The following LIN7A variants were observed in gnomAD, a reference collection of about 807,000 sequenced individuals.
LIN7A encodes the protein protein lin-7 homolog A.
LIN7A carries 25 observed loss-of-function variants against 29.8 expected under a neutral mutation model. That is an observed-to-expected ratio of 0.84 (90% CI 0.61 to 1.17). LIN7A has a LOEUF of 1.17. Among genes scored for constraint, LIN7A ranks in the 50% most tolerant of loss-of-function variants. The probability of loss-of-function intolerance (pLI) is 0.00; values close to 1 mark genes in which losing one functional copy is unlikely to be tolerated. For synonymous variants in LIN7A, 118 were observed against 107.5 expected, an observed-to-expected ratio of 1.10 and a Z score of -0.60; for missense variants, 239 against 287.0, an observed-to-expected ratio of 0.83 and a Z score of 1.21.
At chr12:80,845,101 G>A (rs1436458197) in intron 4 of LIN7A, among the ~76,000 whole-genome samples, 2 of 152,066 alleles carry the variant, frequency 1.3e-5, no homozygotes, top group African/African-American at 4.8e-5. Flanking sequence ...ACCGGGCTTG[G>A]TGGCGGGCGC....
chr12:80,927,923 G>A (rs1192635653), intron 1 of LIN7A, among the ~76,000 whole-genome samples: 2 of 151,936 alleles, frequency 1.3e-5, no homozygotes, highest in Admixed American at 6.6e-5. Flanking sequence ...TGTTCTCATT[G>A]TTCAATTCCC....
intron 1 of LIN7A, among the ~76,000 whole-genome samples, chr12:80,918,284 C>T (rs1054048206): frequency 6.6e-6 from 1 of 151,822 alleles, no homozygotes; most frequent in Non-Finnish European, 1.5e-5. Context: ...TGAGCTCAAG[C>T]GATCCTACCC....
chr12:80,877,995 G>A (rs917346145), intron 2 of LIN7A, among the ~76,000 whole-genome samples: 1 of 152,108 alleles, frequency 6.6e-6, no homozygotes, highest in African/African-American at 2.4e-5. Context: ...CTTCTCCAAG[G>A]ACTCTATTAT....
intron 4 of LIN7A, among the ~76,000 whole-genome samples, chr12:80,843,704 T>C (rs965330843): frequency 1.3e-5 from 2 of 152,090 alleles, no homozygotes; most frequent in African/African-American, 4.8e-5. Context: ...TCAGAGCCCT[T>C]CAAATTAGTT....
At chr12:80,910,611 C>T (rs1001051920) in intron 1 of LIN7A, among the ~76,000 whole-genome samples, 2 of 152,072 alleles carry the variant, frequency 1.3e-5, no homozygotes, top group Admixed American at 1.3e-4. Context: ...TATTCAAATG[C>T]TTTTTCTACA....
intron 2 of LIN7A, among the ~76,000 whole-genome samples, chr12:80,878,563 T>G (rs757483721): frequency 1.3e-5 from 2 of 152,180 alleles, no homozygotes; most frequent in African/African-American, 2.4e-5. Context: ...CAGCAAGATT[T>G]ATTCTGAAGA....
rs117435109 is a variant in LIN7A at position 80,865,840 on chromosome 12, T to C, written c.202-17518A>G. ...ATGTTTCTTCTGTAAATTGGGTGAG[T>C]CAAAGAATTGTTACCAGGATTCACA... On this transcript the variant is annotated intron_variant, in intron 2 of 5. Transcript: ENST00000552864. 9.3e-3 allele frequency among the ~76,000 whole-genome samples: 1,414 copies of C among 152,292 alleles called. 15 individuals carry two copies. The highest frequency in any genetic ancestry group is 0.012 in the Admixed American group (181 of 15,298).
chr12:80,868,113 C>G (rs772786673), intron 2 of LIN7A, among the ~76,000 whole-genome samples: 97 of 152,180 alleles, frequency 6.4e-4, no homozygotes, highest in Non-Finnish European at 6.9e-4. Flanking sequence ...ACCTTGGTAG[C>G]ACTTCTTTTA....
intron 1 of LIN7A, among the ~76,000 whole-genome samples, chr12:80,893,153 C>A (rs1252808373): frequency 6.6e-6 from 1 of 152,026 alleles, no homozygotes; most frequent in Admixed American, 6.6e-5. Context: ...ATTCCAGAAA[C>A]CCTTGTACTC....
intron 2 of LIN7A, among the ~76,000 whole-genome samples, chr12:80,850,534 G>A (rs151118524): frequency 6.6e-6 from 1 of 152,090 alleles, no homozygotes; most frequent in Non-Finnish European, 1.5e-5. Flanking sequence ...GGACAATGTT[G>A]CCCTTCAGGA....
chr12:80,897,204 T>G (rs555939678), intron 1 of LIN7A, among the ~76,000 whole-genome samples: 1 of 152,288 alleles, frequency 6.6e-6, no homozygotes, highest in East Asian at 1.9e-4. Context: ...AGCTTTCATT[T>G]TTTTCTCCTT....
chr12:80,906,832 A>C (rs566500309), intron 1 of LIN7A, among the ~76,000 whole-genome samples: 1 of 152,296 alleles, frequency 6.6e-6, no homozygotes, highest in African/African-American at 2.4e-5. Flanking sequence ...GAAAATCGGA[A>C]AAAAACAAAG....
chr12:80,863,300 ATAAT>A (rs367812765), intron 2 of LIN7A, among the ~76,000 whole-genome samples: 8 of 152,336 alleles, frequency 5.3e-5, no homozygotes, highest in African/African-American at 1.9e-4. Context: ...ATTAAACTAG[ATAAT>A]TGATATAGAG....
chr12:80,897,128 G>A (rs1319746267), intron 1 of LIN7A, among the ~76,000 whole-genome samples: 1 of 150,998 alleles, frequency 6.6e-6, no homozygotes. Context: ...AGCTAAAACT[G>A]AAGTTTGATT....
At chr12:80,845,253 AAAAAT>A (rs1237118412) in intron 4 of LIN7A, among the ~76,000 whole-genome samples, 3 of 146,906 alleles carry the variant, frequency 2.0e-5, no homozygotes, top group African/African-American at 2.6e-5. Flanking sequence ...AAAAAAAAAA[AAAAAT>A]TTTGAGTGCA....
chr12:80,918,217 T>A (rs1246962798), intron 1 of LIN7A, among the ~76,000 whole-genome samples: 4 of 131,704 alleles, frequency 3.0e-5, no homozygotes, highest in Non-Finnish European at 6.8e-5. Flanking sequence ...CTGGCTGATA[T>A]TTTTTTTTAT....
intron 5 of LIN7A, among the ~76,000 whole-genome samples, chr12:80,807,068 T>TTTTTGTTTTTTTTTTTTTTTTTTG (rs1555221338): frequency 2.4e-5 from 2 of 84,992 alleles, no homozygotes; most frequent in East Asian, 3.4e-4. Context: ...ATGGAGTTTT[T>TTTTTGTTTTTTTTTTTTTTTTTTG]TTTTTTTTTT....
rs17718299 is a variant in LIN7A, at chr12:80,794,219, C to T, written c.*3508G>A. 2,381 of 152,160 alleles carry T rather than the reference C, an allele frequency of 0.016. 26 individuals carry two copies. Among genetic ancestry groups the T allele is most frequent in the Non-Finnish European group, 0.026 (1,748 of 67,968 alleles). The allele number at this position is 152,160 out of a possible 1,614,324, so 9.4% of individuals were successfully genotyped here. A position where few individuals can be genotyped will look rare whatever the true frequency, so the allele number is the denominator to read the frequency against. ...AGCCACTTATTCATCCAACAAATAC[C>T]GAGTGCCTACATTGTGCCAGGCAGT... is the stretch of plus-strand genomic sequence containing the variant. On this transcript the variant is annotated 3_prime_UTR_variant, in exon 6 of 6. Transcript: ENST00000552864.
At chr12:80,915,152 CA>C (rs3073421) in intron 1 of LIN7A, among the ~76,000 whole-genome samples, 4,076 of 104,880 alleles carry the variant, frequency 0.039, 173 homozygotes, top group African/African-American at 0.1. Flanking sequence ...AATCAACAAG[CA>C]AAAAAAAAAA....
Sources: allele counts gnomAD v4.1 joint callset (sites outside exome capture counted in the v4.1 genomes callset), GRCh38; gene constraint gnomAD v4.1.1; transcripts MANE v1.5; gene names NCBI Gene and HGNC (gene_info 2026-07-23, HGNC 2026-07-21).